MST1R: variants seen among roughly 807,000 people sequenced by gnomAD.
MST1R encodes macrophage stimulating 1 receptor.
In MST1R, 99 loss-of-function variants were observed where a neutral mutation model predicts 117.8. The ratio of observed to expected loss-of-function variants is 0.84; its 90% CI spans 0.71 to 0.99. The LOEUF (loss-of-function observed/expected upper bound fraction) is 0.99, where lower values mean the gene tolerates loss of function less well. Among genes scored for constraint, MST1R ranks in the 50% least tolerant of loss-of-function variants. The pLI is 0.00. For synonymous variants in MST1R, 734 were observed against 765.3 expected (o/e 0.96, Z 0.68); for missense variants, 1,683 against 1,840.2 (o/e 0.91, Z 1.56).
At position 49,903,208 on chromosome 3, in the gene MST1R, A is replaced by G. The variant is rs1477076703; in HGVS notation, c.402T>C (p.Ser134=). The change falls in exon 1 of 20, where the codon AGT becomes AGC. Residue 134 remains serine (S), a synonymous_variant. Coordinates refer to ENST00000296474, the MANE Select transcript of MST1R (RefSeq NM_002447.4). The part of the protein sequence containing the change: ...VLDPALPALV[S]CGSSLQGRCF... ...AGCGGCCCTGCAGGCTGGAGCCACA[A>G]CTGACCAGCGCAGGCAGCGCGGGAT... 1.9e-6 allele frequency: 3 copies of G among 1,606,630 alleles called. No individual in the cohort carries two copies. Among genetic ancestry groups the G allele is most frequent in the African/African-American group, 1.3e-5 (1 of 75,060 alleles).
intron 19 of MST1R, among the ~76,000 whole-genome samples, 161 bp downstream of exon 19, chr3:49,889,763 G>A (rs1417652414): frequency 6.6e-6 from 1 of 152,068 alleles, no homozygotes; most frequent in African/African-American, 2.4e-5. Context: ...CTCTGCATGA[G>A]GGTGGGACCA....
chr3:49,903,588 G>A lies in MST1R; in HGVS notation c.22C>T (p.Pro8Ser). The change falls in exon 1 of 20, where the codon CCT becomes TCT. Residue 8 changes from proline to serine, a missense_variant. Pro to Ser is a moderately conservative substitution (Grantham distance 74, BLOSUM62 -1). Coordinates refer to ENST00000296474, the MANE Select transcript of MST1R (RefSeq NM_002447.4). ...AGCAGCAGCAACAGGAAGGACTGAG[G>A]CAGCGGCGGGAGGAGCTCCATCGAG... MELLPPL[P>S]QSFLLLLLLP... 6.4e-7 allele frequency: 1 copy of A among 1,569,468 alleles called. No homozygotes were observed. Among genetic ancestry groups the A allele is most frequent in the Non-Finnish European group, 8.6e-7 (1 of 1,163,788 alleles).
intron 19 of MST1R, 127 bp from the exon 20 acceptor site, chr3:49,887,689 ACTACC>A: frequency 2.0e-6 from 2 of 996,894 alleles, no homozygotes; most frequent in Admixed American, 4.3e-5. Flanking sequence ...AGTACCTAGC[ACTACC>A]CAATCAGGGG....
intron 14 of MST1R, 140 bp from the exon 15 acceptor site, chr3:49,891,978 T>G: frequency 1.6e-6 from 1 of 619,262 alleles, no homozygotes; most frequent in South Asian, 2.3e-5. Context: ...TTTATTTATT[T>G]TTTTTGAGAC....
chr3:49,902,453 C>T lies in MST1R; in HGVS notation c.1157G>A (p.Cys386Tyr). The change falls in exon 1 of 20, where the codon TGT becomes TAT. Residue 386 changes from cysteine (C) to tyrosine (Y), a missense_variant. Physicochemically the swap from Cys to Tyr is radical, Grantham distance 194. Transcript: ENST00000296474. ...GAGGCCTGGATGGACTGGGGATTCACAACAGCGCTCCACACCCTCATCAAT... is the reference window on the plus strand; with the variant it reads ...GAGGCCTGGATGGACTGGGGATTCATAACAGCGCTCCACACCCTCATCAAT... ...TLIDEGVERC[C>Y]ESPVHPGLRR... 2 of 1,614,210 alleles carry T rather than the reference C, an allele frequency of 1.2e-6. No homozygotes were observed. Among genetic ancestry groups the T allele is most frequent in the South Asian group, 2.2e-5 (2 of 91,090 alleles).
At chr3:49,892,029 T>G (rs895085628) in intron 14 of MST1R, 191 bp from the exon 15 acceptor site, 1 of 425,076 alleles carries the variant, frequency 2.4e-6, no homozygotes, top group Admixed American at 4.0e-5. Flanking sequence ...AGTGGTGCAA[T>G]CTCAACTCAT....
Position 49,891,545 on chromosome 3 carries a change from G to A in MST1R, c.3388C>T (p.Arg1130Ter), listed in dbSNP as rs200454353. 9 of 1,613,904 alleles carry A rather than the reference G, an allele frequency of 5.6e-6. No individual in the cohort carries two copies. The African/African-American group carries it at 6.7e-5, about 12-fold the overall frequency. Reference protein sequence around the residue: ...TEMQQVEAFLREGLLMRGLNH... With the variant: ...TEMQQVEAFL ...AGGCCACGCATGAGCAGCCCCTCTC[G>A]CAGGAAGGCCTCCACCTGCTGCATC... Residue 1130 changes from arginine (R) to a stop codon, truncating the protein, a stop_gained, in exon 16 of 20, where the codon CGA (arginine) becomes TGA (stop). Coordinates refer to ENST00000296474, the MANE Select transcript of MST1R (RefSeq NM_002447.4). LOFTEE classifies it high-confidence loss of function.
Position 49,903,550 on chromosome 3 carries a change from C to A in MST1R, c.60G>T (p.Lys20Asn). ...ACTGCCAGTCCTCGCCCGCCGCGGG[C>A]TTGGCAGGCAACAGCAGCAGCAACA... Reference protein sequence around the residue: ...SFLLLLLLPAKPAAGEDWQCP... With the variant: ...SFLLLLLLPANPAAGEDWQCP... Residue 20 changes from lysine to asparagine, a missense_variant, in exon 1 of 20, where the codon AAG becomes AAT. Lys to Asn is a moderately conservative substitution (Grantham distance 94). Transcript: ENST00000296474. The A allele has an allele frequency of 6.3e-7, 1 of 1,596,452 alleles. No homozygotes were observed. The highest frequency in any genetic ancestry group is 8.5e-7 in the Non-Finnish European group (1 of 1,175,932).
In MST1R at chr3:49,903,623, G is replaced by C. The variant is rs2082770940; in HGVS notation, c.-14C>G. 1 of 1,546,652 alleles carries C rather than the reference G, an allele frequency of 6.5e-7. No homozygotes were observed. The highest frequency in any genetic ancestry group is 1.8e-5 in the Admixed American group (1 of 55,320). ...GAGGAGCTCCATCGAGGCGAGCTGG[G>C]ACCCTAGAGGATCCCTACCGGCCTG... On this transcript the variant is annotated 5_prime_UTR_variant, in exon 1 of 20. Transcript: ENST00000296474.
In MST1R at chr3:49,897,705, CCT is replaced by C; in HGVS notation, c.1881-22_1881-21del. The C allele has an allele frequency of 1.9e-6, 3 of 1,598,074 alleles. No homozygotes were observed. Among genetic ancestry groups the C allele is most frequent in the Non-Finnish European group, 2.6e-6 (3 of 1,172,246 alleles). On this transcript the variant is annotated intron_variant, in intron 5 of 19. Coordinates refer to ENST00000296474, the MANE Select transcript of MST1R (RefSeq NM_002447.4). ...ACTGGTCTGGGGCACCAGGGGAACC[CCT>C]GAGGTCAGCCAGGAATTACACAGGC...
At position 49,891,850 on chromosome 3, in the gene MST1R, T is replaced by G; in HGVS notation, c.3272-12A>C. 6.2e-7 allele frequency: 1 copy of G among 1,613,672 alleles called. No individual in the cohort carries two copies. The highest frequency in any genetic ancestry group is 8.5e-7 in the Non-Finnish European group (1 of 1,179,608). On this transcript the variant is annotated splice_polypyrimidine_tract_variant and intron_variant, in intron 14 of 19. Coordinates refer to ENST00000296474, the MANE Select transcript of MST1R (RefSeq NM_002447.4). ...AACTCCAAAGTGGCCTGGTGTGAGG[T>G]GCATAATGAGTCGATGAGAGGGGAT...
At chr3:49,897,918 C>A in intron 5 of MST1R, 133 bp downstream of exon 5, 1 of 1,343,884 alleles carries the variant, frequency 7.4e-7, no homozygotes, top group South Asian at 1.3e-5. Flanking sequence ...TTTTGACTCT[C>A]AAAAAGCAGT....
Position 49,887,086 on chromosome 3 carries a change from G to GCT in MST1R, c.*220_*221insAG. On this transcript the variant is annotated 3_prime_UTR_variant, in exon 20 of 20. Coordinates refer to ENST00000296474, the MANE Select transcript of MST1R (RefSeq NM_002447.4). ...ACTGCTGAGTCCACTGTGCCCAGAA[G>GCT]ACAGGGTCCACAGCAGGCACTCCAT... The GCT allele has an allele frequency of 1.6e-6, 1 of 621,448 alleles. No homozygotes were observed. The highest frequency in any genetic ancestry group is 2.0e-5 in the South Asian group (1 of 51,178). 38.5% of individuals were successfully genotyped at this position (621,448 alleles called of 1,614,324 possible).
chr3:49,895,982 G>A lies in MST1R; in HGVS notation c.2775C>T (p.Gly925=), dbSNP rs770694894. The A allele has an allele frequency of 3.2e-6, 5 of 1,579,564 alleles. No homozygotes were observed. In the Admixed American group the frequency reaches 5.2e-5, roughly 17 times the overall value. ...VCPLPPSLQL[G]QDGAPLQVCV... ...CTACCTGCAATGGGGCACCATCCTG[G>A]CCAAGCTGCAGGGATGGGGGCAGGG... The change falls in exon 11 of 20, where the codon GGC becomes GGT. Residue 925 remains glycine (G), a synonymous_variant. Transcript: ENST00000296474.
chr3:49,902,937 C>T lies in MST1R; in HGVS notation c.673G>A (p.Ala225Thr), dbSNP rs891415020. The T allele has an allele frequency of 2.5e-6, 4 of 1,613,304 alleles. No individual in the cohort carries two copies. Among genetic ancestry groups the T allele is most frequent in the African/African-American group, 1.3e-5 (1 of 75,074 alleles). The change falls in exon 1 of 20, where the codon GCC (alanine) becomes ACC (threonine). Residue 225 changes from alanine to threonine, a missense_variant. Transcript: ENST00000296474. ...ACAAAGCCCGGTGCGAATCCCGAGG[C>T]GTCAGCCTTGAGACGCCTGATAGAC... ...SVSIRRLKADASGFAPGFVAL... is the reference protein window; with the variant it reads ...SVSIRRLKADTSGFAPGFVAL...
Position 49,892,527 on chromosome 3 carries a change from C to T in MST1R, c.3272-689G>A, listed in dbSNP as rs113163983. Among the ~76,000 whole-genome samples, 492 of 151,244 alleles carry T rather than the reference C, an allele frequency of 3.3e-3. 4 individuals carry two copies. The highest frequency in any genetic ancestry group is 0.012 in the African/African-American group (481 of 41,254). On this transcript the variant is annotated intron_variant, in intron 14 of 19. Transcript: ENST00000296474. ...GAGAGACAGGGCGAGACTCCATCCC[C>T]CTCAAAGAAAAGCAGCAGAAGCCAA...
In MST1R at chr3:49,887,416, G is replaced by A; in HGVS notation, c.4094C>T (p.Pro1365Leu). Residue 1365 changes from proline (P) to leucine (L), a missense_variant, in exon 20 of 20, where the codon CCC becomes CTC. Pro to Leu is a moderately conservative substitution (Grantham distance 98). Transcript: ENST00000296474. ...QLPATYMNLG[P>L]STSHEMNVRP... ...CACATTCATCTCATGCGAGGTGCTG[G>A]GGCCCAAGTTCATGTAGGTTGCTGG... is the stretch of plus-strand genomic sequence containing the variant. 2 of 1,614,218 alleles carry A rather than the reference G, an allele frequency of 1.2e-6. No homozygotes were observed. Among genetic ancestry groups the A allele is most frequent in the Non-Finnish European group, 1.7e-6 (2 of 1,180,030 alleles).
intron 4 of MST1R, 97 bp from the exon 5 acceptor site, chr3:49,898,308 C>G: frequency 6.6e-7 from 1 of 1,525,244 alleles, no homozygotes; most frequent in South Asian, 1.2e-5. Flanking sequence ...CTTGCCTTCC[C>G]CACGCTCCAG....
intron 14 of MST1R, among the ~76,000 whole-genome samples, chr3:49,892,254 A>G (rs1206514079): frequency 1.3e-5 from 2 of 150,144 alleles, no homozygotes; most frequent in Non-Finnish European, 3.0e-5. Flanking sequence ...GTGAGCCACC[A>G]CACCCGGCCC....
Sources: gnomAD v4.1 joint callset for allele counts (sites outside exome capture counted in the v4.1 genomes callset) on GRCh38, gnomAD v4.1.1 for gene constraint, MANE v1.5 for transcripts, NCBI Gene and HGNC (gene_info 2026-07-23, HGNC 2026-07-21) for gene names.